The following MELTF variants were observed in gnomAD, a reference collection of about 807,000 sequenced individuals.
The protein encoded by MELTF is antigen p97 (melanoma associated) identified by monoclonal antibodies 133.2 and 96.5.
A neutral mutation model predicts 83.7 loss-of-function variants in MELTF; 67 were observed. The observed-to-expected ratio is 0.80, with a 90% CI of 0.66 to 0.98. The LOEUF (loss-of-function observed/expected upper bound fraction) is 0.98. Ranked by LOEUF, MELTF falls within the 50% of genes least tolerant of loss-of-function variation. The pLI is 0.00. For synonymous variants in MELTF, 462 were observed against 447.6 expected, an observed-to-expected ratio of 1.03 and a Z score of -0.41; for missense variants, 1,002 against 1,035.6, an observed-to-expected ratio of 0.97 and a Z score of 0.44.
At chr3:197,025,955 G>A (rs1164144698) in intron 3 of MELTF, 1 of 152,382 alleles carries the variant, frequency 6.6e-6, no homozygotes, top group Admixed American at 6.5e-5. Flanking sequence ...CTTGGAGGAG[G>A]TGACAGTTGC....
intron 9 of MELTF, among the ~76,000 whole-genome samples, chr3:197,013,215 A>G (rs1287603704): frequency 6.6e-6 from 1 of 152,244 alleles, no homozygotes; most frequent in Admixed American, 6.5e-5. Flanking sequence ...ATTAACCCGC[A>G]GTTTTACAGC....
Position 197,011,039 on chromosome 3 carries a change from C to T in MELTF, c.1234-245G>A, listed in dbSNP as rs952804437. 9.9e-5 allele frequency among the ~76,000 whole-genome samples: 15 copies of T among 152,172 alleles called. No individual in the cohort carries two copies. Among genetic ancestry groups the T allele is most frequent in the Admixed American group, 5.2e-4 (8 of 15,292 alleles). On this transcript the variant is annotated intron_variant, in intron 9 of 15. Transcript: ENST00000296350. This position sits in a 1 kb window ranked among gnomAD's most constrained non-coding sequence, Gnocchi z 4.2. ...CAGAAACACCCACGCAGCACTCCTG[C>T]GCGTGGCCACCCAGGGTCCCCTGTG... is the stretch of plus-strand genomic sequence containing the variant.
intron 6 of MELTF, chr3:197,019,688 A>C: frequency 6.2e-7 from 1 of 1,613,964 alleles, no homozygotes; most frequent in African/African-American, 1.3e-5. Context: ...ACGGGAGCCC[A>C]TTTCCAGGCT....
Position 197,006,786 on chromosome 3 carries a change from A to G in MELTF, c.1751-50T>C. 1 of 1,437,188 alleles carries G rather than the reference A, an allele frequency of 7.0e-7. No homozygotes were observed. The allele number at this position is 1,437,188 out of a possible 1,614,324, so 89.0% of individuals were successfully genotyped here. A position where few individuals can be genotyped will look rare whatever the true frequency, so the allele number is the denominator to read the frequency against. ...TGGGGACGTTCCGGGAGTGGAGAGAAGTGTAAAGAGAAGCTGCTATCCTGG... is the reference window on the plus strand; with the variant it reads ...TGGGGACGTTCCGGGAGTGGAGAGAGGTGTAAAGAGAAGCTGCTATCCTGG... On this transcript the variant is annotated intron_variant, in intron 13 of 15. Transcript: ENST00000296350. The surrounding 1 kb of genome is among the most constrained non-coding windows in gnomAD (Gnocchi z 5.4).
intron 9 of MELTF, 99 bp downstream of exon 9, chr3:197,015,266 T>C: frequency 7.4e-7 from 1 of 1,359,318 alleles, no homozygotes; most frequent in Admixed American, 2.1e-5. Flanking sequence ...GTAGACACTC[T>C]CCTCTTCCCC....
chr3:197,016,124 G>A (rs1719361593), intron 8 of MELTF, 65 bp downstream of exon 8: 1 of 1,381,404 alleles, frequency 7.2e-7, no homozygotes, highest in Non-Finnish European at 9.6e-7. Context: ...CTTTCCCAGA[G>A]AGCCTCGCCA....
rs983947745 is a variant in MELTF at position 197,029,327 on chromosome 3, T to C, written c.49+327A>G. On this transcript the variant is annotated intron_variant, in intron 1 of 15. Transcript: ENST00000296350. The surrounding 1 kb of genome is among the most constrained non-coding windows in gnomAD (Gnocchi z 6.5). ...AGCCCCCAAAGTCTTCCTGAGTTCC[T>C]GCGCCCGTCGGGAGGGGCCGCCCTC... The C allele has an allele frequency of 3.4e-6, 1 of 297,476 alleles. No homozygotes were observed. The highest frequency in any genetic ancestry group is 6.2e-6 in the Non-Finnish European group (1 of 161,544). The allele number at this position is 297,476 out of a possible 1,614,324, so 18.4% of individuals were successfully genotyped here. A position where few individuals can be genotyped will look rare whatever the true frequency, so the allele number is the denominator to read the frequency against.
chr3:197,026,710 G>C lies in MELTF; in HGVS notation c.254C>G (p.Ala85Gly). Reference sequence around the variant, plus strand: ...CGGCTTCAGGCCGTGCTCCTTTCCCGCCTCATAGATGGCTCCTCCATCCAG... The same window carrying C: ...CGGCTTCAGGCCGTGCTCCTTTCCCCCCTCATAGATGGCTCCTCCATCCAG... ...ITLDGGAIYE[A>G]GKEHGLKPVV... The change falls in exon 3 of 16, where the codon GCG (alanine) becomes GGG (glycine). Residue 85 changes from alanine (A) to glycine (G), a missense_variant. Transcript: ENST00000296350. The C allele has an allele frequency of 6.2e-7, 1 of 1,613,338 alleles. No individual in the cohort carries two copies. Among genetic ancestry groups the C allele is most frequent in the South Asian group, 1.1e-5 (1 of 91,092 alleles).
intron 6 of MELTF, among the ~76,000 whole-genome samples, chr3:197,020,046 A>T (rs181922349): frequency 6.6e-6 from 1 of 152,168 alleles, no homozygotes; most frequent in Non-Finnish European, 1.5e-5. Context: ...AACTCATAGA[A>T]CTATCCTTCA....
chr3:197,027,793 C>G lies in MELTF; in HGVS notation c.167G>C (p.Arg56Pro). Residue 56 changes from arginine (R) to proline (P), a missense_variant, in exon 2 of 16, where the codon CGG becomes CCG. Physicochemically the swap from Arg to Pro is moderately radical, Grantham distance 103. Coordinates refer to ENST00000296350, the MANE Select transcript of MELTF (RefSeq NM_005929.6). ...AGIQPSLLCV[R>P]GTSADHCVQL... ...GACGCAGTGGTCGGCGGAGGTGCCC[C>G]GGACGCAGAGGAGGGAGGGCTGGAT... 1.9e-6 allele frequency: 3 copies of G among 1,610,788 alleles called. No individual in the cohort carries two copies. Among genetic ancestry groups the G allele is most frequent in the Non-Finnish European group, 2.5e-6 (3 of 1,179,074 alleles).
rs745317600 is a variant in MELTF, at chr3:197,007,554, G to T, written c.1751-818C>A. Among the ~76,000 whole-genome samples, 5 of 152,208 alleles carry T rather than the reference G, an allele frequency of 3.3e-5. No homozygotes were observed. Among genetic ancestry groups the T allele is most frequent in the African/African-American group, 1.2e-4 (5 of 41,456 alleles). On this transcript the variant is annotated intron_variant, in intron 13 of 15. Coordinates refer to ENST00000296350, the MANE Select transcript of MELTF (RefSeq NM_005929.6). This position sits in a 1 kb window ranked among gnomAD's most constrained non-coding sequence, Gnocchi z 4.3. Reference sequence around the variant, plus strand: ...CGCCTCCCCTGACCCCATCCCAGACGACACCATGCACAGATCTGGGACCAG... The same window carrying T: ...CGCCTCCCCTGACCCCATCCCAGACTACACCATGCACAGATCTGGGACCAG...
Position 197,011,905 on chromosome 3 carries a change from C to G in MELTF, c.1234-1111G>C, listed in dbSNP as rs79277552. Among the ~76,000 whole-genome samples the G allele has an allele frequency of 0.032, 4,898 of 152,226 alleles. 148 individuals are homozygous for G. Among genetic ancestry groups the G allele is most frequent in the African/African-American group, 0.073 (3,017 of 41,524 alleles). On this transcript the variant is annotated intron_variant, in intron 9 of 15. Coordinates refer to ENST00000296350, the MANE Select transcript of MELTF (RefSeq NM_005929.6). The surrounding 1 kb of genome is among the most constrained non-coding windows in gnomAD (Gnocchi z 4.2). The stretch of plus-strand genomic sequence containing the variant: ...GCAGCCCCGTGGCCCTCTGTGAGCC[C>G]AGATTGAGAGGAGGCTGTCACTCAG...
chr3:197,029,653 C>A lies in MELTF; in HGVS notation c.49+1G>T, dbSNP rs1376329003. ...CTTTGGCTCTCACAGCGGGGCCTCA[C>A]CGGTGCGCAGAGCCAGGAGCAGCCA... is the stretch of plus-strand genomic sequence containing the variant. On this transcript the variant is annotated splice_donor_variant, in intron 1 of 15. Coordinates refer to ENST00000296350, the MANE Select transcript of MELTF (RefSeq NM_005929.6). LOFTEE classifies it high-confidence loss of function. The surrounding 1 kb of genome is among the most constrained non-coding windows in gnomAD (Gnocchi z 6.5). The A allele has an allele frequency of 8.0e-7, 1 of 1,246,000 alleles. No homozygotes were observed. Among genetic ancestry groups the A allele is most frequent in the Admixed American group, 4.1e-5 (1 of 24,394 alleles). The allele number at this position is 1,246,000 out of a possible 1,614,324, so 77.2% of individuals were successfully genotyped here.
intron 6 of MELTF, chr3:197,019,215 G>T (rs559258472): frequency 1.9e-5 from 19 of 1,001,026 alleles, no homozygotes; most frequent in Non-Finnish European, 2.3e-5. Context: ...GTTTTTCGGC[G>T]GCTGCAAAAC....
intron 9 of MELTF, among the ~76,000 whole-genome samples, chr3:197,013,423 A>G (rs1288135095): frequency 1.3e-5 from 2 of 152,234 alleles, no homozygotes; most frequent in Non-Finnish European, 2.9e-5. Context: ...AAATTGCTGA[A>G]GAGAATATAG....
chr3:197,019,849 TAA>T, intron 6 of MELTF: 1 of 1,412,170 alleles, frequency 7.1e-7, no homozygotes. Context: ...GACAATGATT[TAA>T]AAAAAAAACC....
chr3:197,009,832 C>T lies in MELTF; in HGVS notation c.1331-20G>A, dbSNP rs760770940. ...CTTCCGCTGGGGAGAGAGGGACTCACGTGAGGGGCCCCTCATCTGAGAGCC... is the reference window on the plus strand; with the variant it reads ...CTTCCGCTGGGGAGAGAGGGACTCATGTGAGGGGCCCCTCATCTGAGAGCC... On this transcript the variant is annotated intron_variant, in intron 10 of 15. Coordinates refer to ENST00000296350, the MANE Select transcript of MELTF (RefSeq NM_005929.6). 6.9e-6 allele frequency: 11 copies of T among 1,599,054 alleles called. No homozygotes were observed. The highest frequency in any genetic ancestry group is 2.2e-5 in the East Asian group (1 of 44,474).
intron 6 of MELTF, among the ~76,000 whole-genome samples, chr3:197,020,448 G>A (rs527521932): frequency 6.6e-6 from 1 of 151,936 alleles, no homozygotes; most frequent in Non-Finnish European, 1.5e-5. Context: ...CAAGGGGTAT[G>A]ACATAGGCAA....
Position 197,017,154 on chromosome 3 carries a change from G to A in MELTF, c.849C>T (p.Val283=), listed in dbSNP as rs148829438. ...TGAGGCCCCCATCTGTGTCGGCCCG[G>A]ACCACCACGGCGTGAGCAGGCACCC... is the stretch of plus-strand genomic sequence containing the variant. ...LARVPAHAVV[V]RADTDGGLIF... Residue 283 remains valine, a synonymous_variant, in exon 7 of 16, where the codon GTC becomes GTT. Coordinates refer to ENST00000296350, the MANE Select transcript of MELTF (RefSeq NM_005929.6). 320 of 1,611,762 alleles carry A rather than the reference G, an allele frequency of 2.0e-4. 1 individual carries two copies. In the African/African-American group the frequency reaches 3.7e-3, roughly 19 times the overall value.
Sources: gnomAD v4.1 joint callset for allele counts (sites outside exome capture counted in the v4.1 genomes callset) on GRCh38, gnomAD v4.1.1 for gene constraint, Gnocchi (gnomAD v3.1) non-coding constraint, MANE v1.5 for transcripts, NCBI Gene and HGNC (gene_info 2026-07-23, HGNC 2026-07-21) for gene names.